The following SSX2IP variants were observed in gnomAD, a reference collection of about 807,000 sequenced individuals.
SSX2IP encodes SSX family member 2 interacting protein.
In SSX2IP, 55 loss-of-function variants were observed where a neutral mutation model predicts 84.9. That is an observed-to-expected ratio of 0.65 (90% confidence interval 0.52 to 0.81). The LOEUF is 0.81. SSX2IP is among the 30% of genes least tolerant of loss of function. The pLI is 0.00. For missense variants in SSX2IP, 664 were observed against 705.2 expected, an observed-to-expected ratio of 0.94 and a Z score of 0.66; for synonymous variants, 239 against 234.7, an observed-to-expected ratio of 1.02 and a Z score of -0.17.
At chr1:84,653,949 A>C (rs1467608905) in intron 11 of SSX2IP, among the ~76,000 whole-genome samples, 3 of 152,216 alleles carry the variant, frequency 2.0e-5, no homozygotes, top group Non-Finnish European at 4.4e-5. Context: ...AGAAAAATTT[A>C]AAGATAAATT....
chr1:84,676,363 C>A (rs911759636), intron 1 of SSX2IP, among the ~76,000 whole-genome samples: 4 of 152,152 alleles, frequency 2.6e-5, no homozygotes, highest in African/African-American at 4.8e-5. Flanking sequence ...TGTCTTTATA[C>A]TGTAATAGAA....
intron 1 of SSX2IP, among the ~76,000 whole-genome samples, chr1:84,675,594 C>T (rs1243571251): frequency 6.6e-6 from 1 of 152,222 alleles, no homozygotes; most frequent in Non-Finnish European, 1.5e-5. Context: ...TTGGATTTCA[C>T]TCTTGCAGTG....
intron 1 of SSX2IP, among the ~76,000 whole-genome samples, chr1:84,689,634 G>A (rs1447901963): frequency 1.3e-5 from 2 of 152,180 alleles, no homozygotes; most frequent in Non-Finnish European, 2.9e-5. Context: ...TATACGTGCA[G>A]ACAGCAAATT....
intron 1 of SSX2IP, among the ~76,000 whole-genome samples, chr1:84,683,911 TAGA>T (rs771919136): frequency 6.6e-6 from 1 of 152,102 alleles, no homozygotes; most frequent in Non-Finnish European, 1.5e-5. Context: ...ATCATATTCT[TAGA>T]AGATTATTAA....
chr1:84,679,426 C>G (rs1021988469), intron 1 of SSX2IP, among the ~76,000 whole-genome samples: 1 of 152,172 alleles, frequency 6.6e-6, no homozygotes, highest in Non-Finnish European at 1.5e-5. Flanking sequence ...GAAATAAACT[C>G]TTCCTCATAA....
At chr1:84,664,282 A>C in intron 6 of SSX2IP, 135 bp downstream of exon 6, 4 of 926,174 alleles carry the variant, frequency 4.3e-6, no homozygotes, top group African/African-American at 1.7e-5. Flanking sequence ...TATATAAACA[A>C]ACACCACTGA....
chr1:84,649,875 G>GT (rs1649970452), intron 13 of SSX2IP: 1 of 511,350 alleles, frequency 2.0e-6, no homozygotes, highest in South Asian at 1.5e-5. Context: ...GGAGAGCCAT[G>GT]TTTTTTTACA....
intron 1 of SSX2IP, among the ~76,000 whole-genome samples, chr1:84,675,510 C>T (rs1167680672): frequency 6.6e-6 from 1 of 152,144 alleles, no homozygotes; most frequent in East Asian, 1.9e-4. Context: ...AATAAAATAG[C>T]TACAAAGATT....
In SSX2IP at chr1:84,679,566, G is replaced by T. The variant is rs145101269; in HGVS notation, c.-89-8258C>A. On this transcript the variant is annotated intron_variant, in intron 1 of 13. Coordinates refer to ENST00000342203, the MANE Select transcript of SSX2IP (RefSeq NM_001166293.2). The stretch of plus-strand genomic sequence containing the variant: ...AAACAATGCCAGCCTCAGAGGCCCG[G>T]GTCAACAGACTGATTCATATCTTGA... Among the ~76,000 whole-genome samples the T allele has an allele frequency of 3.6e-4, 55 of 152,202 alleles. No homozygotes were observed. In the East Asian group the frequency reaches 9.5e-3, roughly 26 times the overall value.
At chr1:84,667,802 T>C (rs1652971679) in intron 4 of SSX2IP, among the ~76,000 whole-genome samples, 1 of 152,162 alleles carries the variant, frequency 6.6e-6, no homozygotes, top group Non-Finnish European at 1.5e-5. Flanking sequence ...TTTCTACTCA[T>C]TCTTCCAATC....
At chr1:84,676,608 T>C (rs1654365911) in intron 1 of SSX2IP, among the ~76,000 whole-genome samples, 1 of 152,048 alleles carries the variant, frequency 6.6e-6, no homozygotes, top group South Asian at 2.1e-4. Context: ...CTTTCTGTAT[T>C]ATAGACAGGA....
At chr1:84,655,019 A>T (rs1650868504) in intron 11 of SSX2IP, among the ~76,000 whole-genome samples, 1 of 152,120 alleles carries the variant, frequency 6.6e-6, no homozygotes, top group Non-Finnish European at 1.5e-5. Context: ...AAGCAAAAAA[A>T]AGGCAAGCAG....
In SSX2IP at chr1:84,673,708, C is replaced by A. The variant is rs190903815; in HGVS notation, c.-89-2400G>T. Among the ~76,000 whole-genome samples the A allele has an allele frequency of 1.1e-4, 17 of 152,212 alleles. No individual in the cohort carries two copies. In the East Asian group the frequency reaches 2.1e-3, roughly 19 times the overall value. ...CAGGCAGATGAATTAGGGATGTGTT[C>A]TGGAGACAGAACCTTCAGAACTCAA... On this transcript the variant is annotated intron_variant, in intron 1 of 13. Coordinates refer to ENST00000342203, the MANE Select transcript of SSX2IP (RefSeq NM_001166293.2).
chr1:84,663,477 G>T (rs1001939479), intron 6 of SSX2IP, among the ~76,000 whole-genome samples: 1 of 152,120 alleles, frequency 6.6e-6, no homozygotes, highest in African/African-American at 2.4e-5. Context: ...GATACCTAAA[G>T]ATTTCCAATC....
rs376371797 is a variant in SSX2IP at position 84,650,616 on chromosome 1, G to A, written c.1505-89C>T. The stretch of plus-strand genomic sequence containing the variant: ...TAAATCATCAGGATGATTCATCTGC[G>A]GTTCTGAGTGAGGAAAGAGATGGAA... On this transcript the variant is annotated intron_variant, in intron 12 of 13. Coordinates refer to ENST00000342203, the MANE Select transcript of SSX2IP (RefSeq NM_001166293.2). 2.8e-3 allele frequency: 3,895 copies of A among 1,369,232 alleles called. 8 individuals are homozygous for A. The highest frequency in any genetic ancestry group is 3.5e-3 in the Non-Finnish European group (3,420 of 974,656). The allele number at this position is 1,369,232 out of a possible 1,614,324, so 84.8% of individuals were successfully genotyped here. A position where few individuals can be genotyped will look rare whatever the true frequency, so the allele number is the denominator to read the frequency against.
Position 84,664,566 on chromosome 1 carries a change from T to C in SSX2IP, c.538-14A>G. 1 of 1,571,980 alleles carries C rather than the reference T, an allele frequency of 6.4e-7. No individual in the cohort carries two copies. The highest frequency in any genetic ancestry group is 8.6e-7 in the Non-Finnish European group (1 of 1,164,880). ...TAATTTTTGCACCTGAAAAAGGCAT[T>C]TGCTATTATAAGCCCAGTAACGATT... On this transcript the variant is annotated splice_polypyrimidine_tract_variant and intron_variant, in intron 5 of 13. Transcript: ENST00000342203.
chr1:84,657,235 G>T (rs1033456053), intron 9 of SSX2IP, among the ~76,000 whole-genome samples: 1 of 151,860 alleles, frequency 6.6e-6, no homozygotes, highest in South Asian at 2.1e-4. Context: ...CTATGTATAA[G>T]GATAATAGTT....
At chr1:84,669,237 G>A (rs1226070618) in intron 4 of SSX2IP, among the ~76,000 whole-genome samples, 1 of 151,858 alleles carries the variant, frequency 6.6e-6, no homozygotes, top group Non-Finnish European at 1.5e-5. Flanking sequence ...CAGAGACCCA[G>A]GGCTTCTAAG....
chr1:84,686,740 G>A (rs192172877), intron 1 of SSX2IP, among the ~76,000 whole-genome samples: 2 of 152,304 alleles, frequency 1.3e-5, no homozygotes, highest in Admixed American at 6.5e-5. Flanking sequence ...GACTTTTAAA[G>A]AGAAAGGGTG....
Sources: allele counts gnomAD v4.1 joint callset (sites outside exome capture counted in the v4.1 genomes callset), GRCh38; gene constraint gnomAD v4.1.1; transcripts MANE v1.5; gene names NCBI Gene and HGNC (gene_info 2026-07-23, HGNC 2026-07-21).